RAB27B: variants seen among roughly 807,000 people sequenced by gnomAD.
RAB27B encodes ras-related protein Rab-27B.
In RAB27B, 15 loss-of-function variants were observed where a neutral mutation model predicts 24.6. The observed-to-expected ratio is 0.61, with a 90% CI of 0.41 to 0.94. The LOEUF (loss-of-function observed/expected upper bound fraction) is 0.94, where lower values mean the gene tolerates loss of function less well. RAB27B is among the 40% of genes least tolerant of loss of function. The probability of loss-of-function intolerance (pLI) is 0.00; values close to 1 mark genes in which losing one functional copy is unlikely to be tolerated. For synonymous variants in RAB27B, 105 were observed against 92.5 expected (o/e 1.14, Z -0.78); for missense variants, 261 against 266.8 (o/e 0.98, Z 0.15).
intron 1 of RAB27B, among the ~76,000 whole-genome samples, chr18:54,835,779 A>G (rs1014774279): frequency 6.6e-6 from 1 of 152,052 alleles, no homozygotes; most frequent in Non-Finnish European, 1.5e-5. Context: ...TCTCGTGTAA[A>G]GTCACTAGGC....
chr18:54,881,956 A>G (rs926246973), intron 3 of RAB27B, among the ~76,000 whole-genome samples: 1 of 152,180 alleles, frequency 6.6e-6, no homozygotes, highest in Non-Finnish European at 1.5e-5. Context: ...GAGAACAAAG[A>G]GCAGTTTTCC....
chr18:54,829,136 A>G (rs1044905042), intron 1 of RAB27B, among the ~76,000 whole-genome samples: 1 of 152,218 alleles, frequency 6.6e-6, no homozygotes, highest in Admixed American at 6.5e-5. Context: ...TAAGACATTT[A>G]TATGCACTTC....
At chr18:54,841,511 T>C (rs951706245) in intron 1 of RAB27B, among the ~76,000 whole-genome samples, 2 of 152,214 alleles carry the variant, frequency 1.3e-5, no homozygotes, top group East Asian at 1.9e-4. Flanking sequence ...ACTGAGAAAC[T>C]ACTGTATATG....
At chr18:54,879,045 C>T (rs1261690024) in intron 2 of RAB27B, among the ~76,000 whole-genome samples, 1 of 152,074 alleles carries the variant, frequency 6.6e-6, no homozygotes, top group East Asian at 1.9e-4. Context: ...GAAAATAAGA[C>T]TCAAAGAGGT....
chr18:54,735,890 A>G (rs567420570), intron 2 of RAB27B, among the ~76,000 whole-genome samples: 158 of 152,340 alleles, frequency 1.0e-3, no homozygotes, highest in Non-Finnish European at 1.7e-3. Flanking sequence ...GTTGCATGAA[A>G]GGACTTTTCA....
At chr18:54,879,498 A>G in intron 3 of RAB27B, 44 bp downstream of exon 3, 2 of 1,478,574 alleles carry the variant, frequency 1.4e-6, no homozygotes, top group Non-Finnish European at 1.9e-6. Context: ...TAGCTTAGAA[A>G]AACTTACTTT....
chr18:54,791,213 GAAAGAA>G (rs1909236344), intron 2 of RAB27B, among the ~76,000 whole-genome samples: 1 of 151,922 alleles, frequency 6.6e-6, no homozygotes, highest in African/African-American at 2.4e-5. Context: ...AAAGAAAAAA[GAAAGAA>G]GAAGAAGAAA....
chr18:54,810,088 C>G (rs1262788606), intron 2 of RAB27B, among the ~76,000 whole-genome samples: 1 of 152,050 alleles, frequency 6.6e-6, no homozygotes, highest in Non-Finnish European at 1.5e-5. Flanking sequence ...TCAACATATA[C>G]AAAGAAGAAC....
rs147299510 is a variant in RAB27B at position 54,738,096 on chromosome 18, A to G, written c.-20+19955A>G. Among the ~76,000 whole-genome samples, 384 of 152,324 alleles carry G rather than the reference A, an allele frequency of 2.5e-3. 4 individuals carry two copies. In the South Asian group the frequency reaches 0.028, roughly 11 times the overall value. On this transcript the variant is annotated intron_variant, in intron 2 of 4. Transcript: ENST00000586570. ...ACAGGTTTGTAAGAGAGAAGAGCCTACGTATTATACTAGACTCCTCTGATT... is the reference window on the plus strand; with the variant it reads ...ACAGGTTTGTAAGAGAGAAGAGCCTGCGTATTATACTAGACTCCTCTGATT...
chr18:54,817,845 G>T (rs1910167818), intron 2 of RAB27B, among the ~76,000 whole-genome samples: 1 of 151,718 alleles, frequency 6.6e-6, no homozygotes, highest in Non-Finnish European at 1.5e-5. Flanking sequence ...TTCAGAAAAT[G>T]ACTGTCCTAT....
At chr18:54,801,963 A>G (rs1018870016) in intron 2 of RAB27B, among the ~76,000 whole-genome samples, 4 of 152,130 alleles carry the variant, frequency 2.6e-5, no homozygotes, top group African/African-American at 9.7e-5. Flanking sequence ...TGAGAAGGAG[A>G]TGGAACAGCT....
chr18:54,725,048 A>G (rs1227497980), intron 2 of RAB27B, among the ~76,000 whole-genome samples: 1 of 151,440 alleles, frequency 6.6e-6, no homozygotes, highest in African/African-American at 2.4e-5. Flanking sequence ...CTCATTAGGG[A>G]TGGTGACTCC....
chr18:54,892,527 T>G lies in RAB27B; in HGVS notation c.*3114T>G, dbSNP rs879885345. 4 of 152,024 alleles carry G rather than the reference T, an allele frequency of 2.6e-5. No homozygotes were observed. The highest frequency in any genetic ancestry group is 5.9e-5 in the Non-Finnish European group (4 of 67,958). The allele number at this position is 152,024 out of a possible 1,614,324, so 9.4% of individuals were successfully genotyped here. On this transcript the variant is annotated 3_prime_UTR_variant, in exon 6 of 6. Transcript: ENST00000262094. ...CTGTGATTAGGTACAAGCTTACCTT[T>G]TAGGGTAGAAAAAGAAAGATCATTT... is the stretch of plus-strand genomic sequence containing the variant.
In RAB27B at chr18:54,771,591, A is replaced by AGTGTGTGT. The variant is rs36228307; in HGVS notation, c.-20+53490_-20+53497dup. On this transcript the variant is annotated intron_variant, in intron 2 of 4. Transcript: ENST00000586570. ...ATTATGGTGATAGAGCTGATAGTTT[A>AGTGTGTGT]GTGTGTGTGTGTGTGTGTGTGTGTG... Among the ~76,000 whole-genome samples the AGTGTGTGT allele has an allele frequency of 2.6e-4, 38 of 144,992 alleles. No homozygotes were observed. In the East Asian group the frequency reaches 2.9e-3, roughly 11 times the overall value.
rs145463846 is a variant in RAB27B at position 54,735,767 on chromosome 18, C to T, written c.-20+17626C>T. ...GAACTCTTGACCTCAGGTGATCCAC[C>T]CACCTTGGCCTCCCAAGGTGCTGGG... On this transcript the variant is annotated intron_variant, in intron 2 of 4. Coordinates refer to the RAB27B transcript ENST00000586570. 2.5e-3 allele frequency among the ~76,000 whole-genome samples: 387 copies of T among 152,188 alleles called. 4 individuals carry two copies. In the South Asian group the frequency reaches 0.028, roughly 11 times the overall value.
rs138997366 is a variant in RAB27B at position 54,802,466 on chromosome 18, T to C, written c.-19-75101T>C. ...TCTAGGACTTGTTGCAGTAATCTCT[T>C]AATTTATGTCCAAGATTGCTCCTTT... On this transcript the variant is annotated intron_variant, in intron 2 of 4. Coordinates refer to the RAB27B transcript ENST00000586570. Among the ~76,000 whole-genome samples the C allele has an allele frequency of 2.7e-3, 414 of 152,254 alleles. 6 individuals are homozygous for C. Among genetic ancestry groups the C allele is most frequent in the East Asian group, 0.022 (112 of 5,178 alleles).
intron 2 of RAB27B, among the ~76,000 whole-genome samples, chr18:54,812,591 A>ACACG (rs1383949171): frequency 1.4e-5 from 2 of 146,318 alleles, no homozygotes; most frequent in Non-Finnish European, 3.0e-5. Context: ...ACACACACAC[A>ACACG]CACTCTTATG....
At chr18:54,725,697 T>C (rs1036120435) in intron 2 of RAB27B, among the ~76,000 whole-genome samples, 10 of 151,386 alleles carry the variant, frequency 6.6e-5, no homozygotes, top group African/African-American at 2.4e-4. Context: ...CTTATAAAAC[T>C]ATCAGATATC....
rs937529071 is a variant in RAB27B at position 54,830,853 on chromosome 18, ACT to A, written c.-20+2156_-20+2157del. Among the ~76,000 whole-genome samples, 268 of 152,216 alleles carry A rather than the reference ACT, an allele frequency of 1.8e-3. 1 individual carries two copies. The highest frequency in any genetic ancestry group is 5.9e-3 in the African/African-American group (243 of 41,508). ...CTAGATTGCCAATAAGGAGAGTAAC[ACT>A]CTGTTTATCAAATGGCCAAAAAAAT... is the stretch of plus-strand genomic sequence containing the variant. On this transcript the variant is annotated intron_variant, in intron 1 of 5. Coordinates refer to ENST00000262094, the MANE Select transcript of RAB27B (RefSeq NM_004163.4).
Sources: gnomAD v4.1 joint callset for allele counts (sites outside exome capture counted in the v4.1 genomes callset) on GRCh38, gnomAD v4.1.1 for gene constraint, MANE v1.5 for transcripts, NCBI Gene and HGNC (gene_info 2026-07-23, HGNC 2026-07-21) for gene names.